Variants in CCDC83 observed in about 807,000 individuals in gnomAD.
The protein encoded by CCDC83 is coiled-coil domain containing 83, also known as coiled-coil domain-containing protein 83.
In CCDC83, 54 loss-of-function variants were observed where a neutral mutation model predicts 50.1. The observed-to-expected ratio is 1.08, with a 90% confidence interval of 0.87 to 1.35. The LOEUF (loss-of-function observed/expected upper bound fraction) is 1.35. Among genes scored for constraint, CCDC83 ranks in the 40% most tolerant of loss-of-function variants. The pLI is 0.00. For missense variants in CCDC83, 518 were observed against 473.9 expected, an observed-to-expected ratio of 1.09 and a Z score of -0.86; for synonymous variants, 161 against 153.3, an observed-to-expected ratio of 1.05 and a Z score of -0.37.
rs532447356 is a variant in CCDC83 at position 85,882,839 on chromosome 11, G to T, written c.343+164G>T. 9.2e-5 allele frequency among the ~76,000 whole-genome samples: 14 copies of T among 152,306 alleles called. No homozygotes were observed. In the South Asian group the frequency reaches 2.7e-3, roughly 29 times the overall value. On this transcript the variant is annotated intron_variant, in intron 4 of 10. Coordinates refer to ENST00000342404, the MANE Select transcript of CCDC83 (RefSeq NM_001286159.2). ...ACATGTAGGTAAATGGGCAGGAGAG[G>T]GAAATAATAAAGTGGGTAGAGGTAA...
intron 7 of CCDC83, among the ~76,000 whole-genome samples, chr11:85,899,289 C>T (rs1044871969): frequency 2.6e-4 from 40 of 152,220 alleles, no homozygotes; most frequent in Admixed American, 9.2e-4. Flanking sequence ...ATTTGGTCTT[C>T]CTCATGAGCC....
intron 1 of CCDC83, among the ~76,000 whole-genome samples, chr11:85,864,389 C>T (rs924782866): frequency 6.6e-6 from 1 of 152,168 alleles, no homozygotes; most frequent in Admixed American, 6.5e-5. Flanking sequence ...CTTTAGTACC[C>T]AAACCAAACC....
chr11:85,873,641 T>C (rs78125535), intron 3 of CCDC83, among the ~76,000 whole-genome samples: 3,017 of 152,130 alleles, frequency 0.02, 97 homozygotes, highest in African/African-American at 0.068. Flanking sequence ...TTTAAATCTC[T>C]TTGTCTTTTT....
At chr11:85,915,362 A>G in intron 8 of CCDC83, 57 bp from the exon 9 acceptor site, 1 of 1,182,426 alleles carries the variant, frequency 8.5e-7, no homozygotes, top group Non-Finnish European at 1.3e-6. Context: ...GACCCTAGTA[A>G]GCATGCAATG....
At chr11:85,904,715 A>T (rs1400044022) in intron 7 of CCDC83, among the ~76,000 whole-genome samples, 1 of 152,074 alleles carries the variant, frequency 6.6e-6, no homozygotes, top group African/African-American at 2.4e-5. Flanking sequence ...CTAAAGCAGG[A>T]CTCATTAAGT....
intron 7 of CCDC83, among the ~76,000 whole-genome samples, chr11:85,906,807 C>G (rs1263874938): frequency 6.6e-6 from 1 of 151,810 alleles, no homozygotes; most frequent in Non-Finnish European, 1.5e-5. Flanking sequence ...ATCACTTGAG[C>G]CTGGAAGGTT....
At position 85,865,245 on chromosome 11, in the gene CCDC83, G is replaced by C. The variant is rs755113636; in HGVS notation, c.95+27G>C. 8.0e-6 allele frequency: 11 copies of C among 1,373,836 alleles called. No individual in the cohort carries two copies. The Admixed American group carries it at 1.2e-4, about 15-fold the overall frequency. 85.1% of individuals were successfully genotyped at this position (1,373,836 alleles called of 1,614,324 possible). ...TAAGTTTTTATTCTGAAATCTGAAA[G>C]TTGCCATAGATAAAAGGCAGTCATT... On this transcript the variant is annotated intron_variant, in intron 2 of 10. Transcript: ENST00000342404.
intron 3 of CCDC83, among the ~76,000 whole-genome samples, chr11:85,879,914 C>T (rs936740854): frequency 6.6e-6 from 1 of 152,198 alleles, no homozygotes; most frequent in African/African-American, 2.4e-5. Context: ...CCGCGCCCTG[C>T]CTTGTGTGCG....
At chr11:85,909,163 T>C (rs2093440618) in intron 7 of CCDC83, among the ~76,000 whole-genome samples, 1 of 152,210 alleles carries the variant, frequency 6.6e-6, no homozygotes, top group African/African-American at 2.4e-5. Flanking sequence ...TAAGAAATGA[T>C]CATGTGATAG....
intron 10 of CCDC83, 61 bp from the exon 11 acceptor site, chr11:85,919,288 T>C (rs1658942111): frequency 6.8e-7 from 1 of 1,460,852 alleles, no homozygotes; most frequent in South Asian, 1.3e-5. Context: ...AAGCCTAATC[T>C]ATCAAGCTGG....
At position 85,886,205 on chromosome 11, in the gene CCDC83, C is replaced by A. The variant is rs775185124; in HGVS notation, c.349C>A (p.Arg117Ser). The A allele has an allele frequency of 3.2e-6, 5 of 1,568,956 alleles. No homozygotes were observed. The African/African-American group carries it at 4.1e-5, about 13-fold the overall frequency. ...AGTGTCTTTATTTTCAACAGATATGCGCATGCAAATAAGTAATGCTGAGAA... is the reference window on the plus strand; with the variant it reads ...AGTGTCTTTATTTTCAACAGATATGAGCATGCAAATAAGTAATGCTGAGAA... Reference protein sequence around the residue: ...RDQEKNLRDMRMQISNAEKLF... With the variant: ...RDQEKNLRDMSMQISNAEKLF... Residue 117 changes from arginine to serine, a missense_variant, in exon 5 of 11, where the codon CGC becomes AGC. Physicochemically the swap from Arg to Ser is moderately radical, Grantham distance 110. Coordinates refer to ENST00000342404, the MANE Select transcript of CCDC83 (RefSeq NM_001286159.2).
At chr11:85,876,812 T>A (rs1392143847) in intron 3 of CCDC83, among the ~76,000 whole-genome samples, 2 of 152,204 alleles carry the variant, frequency 1.3e-5, no homozygotes, top group Non-Finnish European at 2.9e-5. Flanking sequence ...GCCTCTTTTC[T>A]TGTTCTTATG....
chr11:85,876,851 GAC>G, intron 3 of CCDC83, among the ~76,000 whole-genome samples: 1 of 152,296 alleles, frequency 6.6e-6, no homozygotes, highest in East Asian at 1.9e-4. Context: ...GGGTAAGCAT[GAC>G]ATGACTTTAT....
chr11:85,881,389 G>A (rs2093299683), intron 3 of CCDC83, among the ~76,000 whole-genome samples: 1 of 150,974 alleles, frequency 6.6e-6, no homozygotes, highest in Admixed American at 6.6e-5. Context: ...AAAAAAAAAA[G>A]TTTCAGATTT....
At chr11:85,897,655 G>A (rs2093381489) in intron 6 of CCDC83, among the ~76,000 whole-genome samples, 1 of 152,138 alleles carries the variant, frequency 6.6e-6, no homozygotes, top group Non-Finnish European at 1.5e-5. Context: ...CTGATCCACT[G>A]TTAGTGAATC....
intron 8 of CCDC83, chr11:85,912,734 C>CTCT (rs1565157517): frequency 1.9e-6 from 3 of 1,601,068 alleles, no homozygotes; most frequent in Non-Finnish European, 2.6e-6. Context: ...CTCTGCCAGG[C>CTCT]GTTGCTGGTA....
chr11:85,895,533 G>C (rs2093370378), intron 6 of CCDC83, 149 bp downstream of exon 6: 2 of 535,696 alleles, frequency 3.7e-6, no homozygotes, highest in Non-Finnish European at 6.7e-6. Context: ...AATATTAAAA[G>C]TTTTGAACGA....
chr11:85,898,811 A>G, intron 6 of CCDC83, 136 bp from the exon 7 acceptor site: 2 of 680,358 alleles, frequency 2.9e-6, no homozygotes, highest in Admixed American at 2.8e-5. Context: ...AACCAAACCA[A>G]AAGTTCTTAA....
chr11:85,916,343 C>A, intron 10 of CCDC83, 110 bp downstream of exon 10: 1 of 851,472 alleles, frequency 1.2e-6, no homozygotes. Flanking sequence ...ATTCCATTTG[C>A]AATTATTAGT....
Sources: allele counts gnomAD v4.1 joint callset (sites outside exome capture counted in the v4.1 genomes callset), GRCh38; gene constraint gnomAD v4.1.1; transcripts MANE v1.5; gene names NCBI Gene and HGNC (gene_info 2026-07-23, HGNC 2026-07-21).